CDKN2C: variants seen among roughly 807,000 people sequenced by gnomAD.
The protein encoded by CDKN2C is cyclin dependent kinase inhibitor 2C.
A neutral mutation model predicts 11.0 loss-of-function variants in CDKN2C; 5 were observed. The ratio of observed to expected loss-of-function variants is 0.45; its 90% CI spans 0.24 to 0.95. The LOEUF is 0.95. Among genes scored for constraint, CDKN2C ranks in the 40% least tolerant of loss-of-function variants. The probability of loss-of-function intolerance (pLI) is 0.21; values close to 1 mark genes in which losing one functional copy is unlikely to be tolerated. For missense variants in CDKN2C, 161 were observed against 211.9 expected, an observed-to-expected ratio of 0.76 and a Z score of 1.49; for synonymous variants, 79 against 88.3, an observed-to-expected ratio of 0.89 and a Z score of 0.59.
At chr1:50,967,698 T>C (rs1645354086), upstream of CDKN2C, among the ~76,000 whole-genome samples, 1 of 152,168 alleles carries the variant, frequency 6.6e-6, no homozygotes, top group South Asian at 2.1e-4. Flanking sequence ...TAATCTCACA[T>C]AGCTAAAAGA....
At chr1:50,962,694 T>C (rs1645331671) in intron 1 of CDKN2C, among the ~76,000 whole-genome samples, 2 of 152,238 alleles carry the variant, frequency 1.3e-5, no homozygotes, top group South Asian at 2.1e-4. Context: ...CAATGTGGTA[T>C]GTAGAACAAT....
At chr1:50,966,971 A>G (rs185700913), upstream of CDKN2C, among the ~76,000 whole-genome samples, 26 of 152,330 alleles carry the variant, frequency 1.7e-4, 1 homozygote, top group Admixed American at 1.4e-3. Context: ...TTAAATTATC[A>G]TAAGTTTTCC....
At position 50,973,880 on chromosome 1, in the gene CDKN2C, A is replaced by C. The variant is rs1557609736; in HGVS notation, c.130-13A>C. The C allele has an allele frequency of 1.2e-6, 2 of 1,613,854 alleles. No individual in the cohort carries two copies. Among genetic ancestry groups the C allele is most frequent in the Middle Eastern group, 1.6e-4 (1 of 6,062 alleles). ...GCACTTGAAGGATTCTACCATTTCT[A>C]CTTCTTTTCCAGGTTATGAAACTTG... On this transcript the variant is annotated splice_polypyrimidine_tract_variant and intron_variant, in intron 1 of 1. Coordinates refer to ENST00000371761, the MANE Select transcript of CDKN2C (RefSeq NM_078626.3).
chr1:50,969,319 G>C (rs1645366427), upstream of CDKN2C: 1 of 151,456 alleles, frequency 6.6e-6, no homozygotes, highest in Non-Finnish European at 1.5e-5. This position sits in a 1 kb window ranked among gnomAD's most constrained non-coding sequence, Gnocchi z 6.6. Context: ...GCCTGAACGA[G>C]CTCGGTCGTA....
chr1:50,961,320 G>A (rs570163953), intron 1 of CDKN2C, among the ~76,000 whole-genome samples: 1 of 152,334 alleles, frequency 6.6e-6, no homozygotes, highest in South Asian at 2.1e-4. Flanking sequence ...TTACAGGCGT[G>A]AGCCACTGCA....
Position 50,974,102 on chromosome 1 carries a change from A to T in CDKN2C, c.339A>T (p.Glu113Asp), listed in dbSNP as rs1645394146. The T allele has an allele frequency of 6.2e-7, 1 of 1,614,104 alleles. No individual in the cohort carries two copies. Among genetic ancestry groups the T allele is most frequent in the Non-Finnish European group, 8.5e-7 (1 of 1,180,042 alleles). Residue 113 changes from glutamate to aspartate, a missense_variant, in exon 2 of 2, where the codon GAA becomes GAT. Physicochemically the swap from Glu to Asp is conservative, Grantham distance 45 (BLOSUM62 2). Coordinates refer to ENST00000371761, the MANE Select transcript of CDKN2C (RefSeq NM_078626.3). Reference sequence around the variant, plus strand: ...TGCCCTTGCACTTGGCTGCCAAAGAAGGCCACCTCCGGGTGGTGGAGTTCC... The same window carrying T: ...TGCCCTTGCACTTGGCTGCCAAAGATGGCCACCTCCGGGTGGTGGAGTTCC... The part of the protein sequence containing the change: ...GNLPLHLAAK[E>D]GHLRVVEFLV...
chr1:50,962,147 G>A lies in CDKN2C; in HGVS notation c.-1976+1344G>A, dbSNP rs537574533. ...TATAATCCCAACACTTTGGGAGGCC[G>A]AGGCAGGCAGATCACTTGAGGTCAG... On this transcript the variant is annotated intron_variant, in intron 1 of 3. Coordinates refer to the CDKN2C transcript ENST00000262662. 1.4e-4 allele frequency among the ~76,000 whole-genome samples: 21 copies of A among 152,354 alleles called. No homozygotes were observed. In the South Asian group the frequency reaches 2.9e-3, roughly 21 times the overall value.
chr1:50,965,057 T>TATAGGTAGATAG, intron 1 of CDKN2C, among the ~76,000 whole-genome samples: 1 of 147,324 alleles, frequency 6.8e-6, no homozygotes, highest in Non-Finnish European at 1.5e-5. Context: ...GTCTCAAAAA[T>TATAGGTAGATAG]ATAGATAGAT....
rs1354158374 is a variant in CDKN2C, at chr1:50,961,663, G to A, written c.-1976+860G>A. 2.6e-5 allele frequency among the ~76,000 whole-genome samples: 4 copies of A among 152,126 alleles called. No individual in the cohort carries two copies. The East Asian group carries it at 7.7e-4, about 29-fold the overall frequency. ...AGTGAAATCATCATGTAGCATGAAG[G>A]CCTAGGCTTCCCTTAAGAACTTTTT... On this transcript the variant is annotated intron_variant, in intron 1 of 3. Coordinates refer to the CDKN2C transcript ENST00000262662.
At chr1:50,968,635 A>T (rs1557608288), upstream of CDKN2C, 1 of 152,162 alleles carries the variant, frequency 6.6e-6, no homozygotes, top group Admixed American at 6.6e-5. Flanking sequence ...CGCGAGCGCC[A>T]GCAGGGCGGA....
chr1:50,974,160 C>T lies in CDKN2C; in HGVS notation c.397C>T (p.Arg133Trp), dbSNP rs2147958589. 1 of 1,614,070 alleles carries T rather than the reference C, an allele frequency of 6.2e-7. No individual in the cohort carries two copies. Among genetic ancestry groups the T allele is most frequent in the East Asian group, 2.2e-5 (1 of 44,866 alleles). Residue 133 changes from arginine (R) to tryptophan (W), a missense_variant, in exon 2 of 2, where the codon CGG (arginine) becomes TGG (tryptophan). Coordinates refer to ENST00000371761, the MANE Select transcript of CDKN2C (RefSeq NM_078626.3). ...GCACACGGCCAGCAATGTGGGGCATCGGAACCATAAGGGGGACACCGCCTG... is the reference window on the plus strand; with the variant it reads ...GCACACGGCCAGCAATGTGGGGCATTGGAACCATAAGGGGGACACCGCCTG... Reference protein sequence around the residue: ...VKHTASNVGHRNHKGDTACDL... With the variant: ...VKHTASNVGHWNHKGDTACDL...
At chr1:50,963,512 C>G (rs1193704145) in intron 1 of CDKN2C, among the ~76,000 whole-genome samples, 1 of 152,204 alleles carries the variant, frequency 6.6e-6, no homozygotes, top group Non-Finnish European at 1.5e-5. Flanking sequence ...TACAGAGTGA[C>G]AGACCTAGGA....
In CDKN2C at chr1:50,970,433, C is replaced by T. The variant is rs774999212; in HGVS notation, c.65C>T (p.Thr22Ile). Residue 22 changes from threonine to isoleucine, a missense_variant, in exon 1 of 2, where the codon ACT becomes ATT. Thr to Ile is a moderately conservative substitution (Grantham distance 89). Transcript: ENST00000371761. ...AAARGDLEQL[T>I]SLLQNNVNVN... is the part of the protein sequence containing the mutation. ...GCCAGGGGGGACCTAGAGCAACTTA[C>T]TAGTTTGTTGCAAAATAATGTAAAC... The T allele has an allele frequency of 6.2e-7, 1 of 1,614,166 alleles. No individual in the cohort carries two copies. The highest frequency in any genetic ancestry group is 1.1e-5 in the South Asian group (1 of 91,074).
At chr1:50,973,534 C>T (rs1645390945) in intron 1 of CDKN2C, among the ~76,000 whole-genome samples, 1 of 152,192 alleles carries the variant, frequency 6.6e-6, no homozygotes, top group South Asian at 2.1e-4. Context: ...ATCCCAAATT[C>T]CATTTCTGTT....
upstream of CDKN2C, chr1:50,969,932 C>G (rs944877188): frequency 2.0e-5 from 5 of 244,922 alleles, no homozygotes; most frequent in African/African-American, 8.9e-5. The surrounding 1 kb of genome is among the most constrained non-coding windows in gnomAD (Gnocchi z 6.6). Context: ...CCCTGAATGT[C>G]TTTCCTTCCG....
intron 1 of CDKN2C, 63 bp from the exon 2 acceptor site, chr1:50,973,830 A>G: frequency 6.4e-7 from 1 of 1,570,632 alleles, no homozygotes; most frequent in South Asian, 1.1e-5. Context: ...ACAGGCAGAT[A>G]TTTTAAAATA....
At chr1:50,970,843 GATT>G (rs1359356625) in intron 1 of CDKN2C, among the ~76,000 whole-genome samples, 3 of 152,114 alleles carry the variant, frequency 2.0e-5, no homozygotes, top group Non-Finnish European at 2.9e-5. Context: ...ACATTATTAT[GATT>G]ATTATTTGAA....
chr1:50,974,547 GC>G lies in CDKN2C; in HGVS notation c.*279del, dbSNP rs1379008856. On this transcript the variant is annotated 3_prime_UTR_variant, in exon 2 of 2. Transcript: ENST00000371761. ...TGGCTTTTCCCTTGCTTCCCCTTTTGCCAATCTCAACACCCAAGTTGAAGAC... is the reference window on the plus strand; with the variant it reads ...TGGCTTTTCCCTTGCTTCCCCTTTTGCAATCTCAACACCCAAGTTGAAGAC... The G allele has an allele frequency of 1.2e-5, 4 of 340,208 alleles. No homozygotes were observed. The East Asian group carries it at 1.8e-4, about 15-fold the overall frequency. The allele number at this position is 340,208 out of a possible 1,614,324, so 21.1% of individuals were successfully genotyped here. A position where few individuals can be genotyped will look rare whatever the true frequency, so the allele number is the denominator to read the frequency against.
At position 50,970,297 on chromosome 1, in the gene CDKN2C, G is replaced by C. The variant is rs1645372809; in HGVS notation, c.-72G>C. 6.3e-7 allele frequency: 1 copy of C among 1,589,730 alleles called. No homozygotes were observed. Among genetic ancestry groups the C allele is most frequent in the Non-Finnish European group, 8.6e-7 (1 of 1,165,664 alleles). On this transcript the variant is annotated 5_prime_UTR_variant, in exon 1 of 2. Transcript: ENST00000371761. ...GTCTCCGATGCCATCATGCAGCCTG[G>C]TTAGGAGCAAAGGAAAGGGGAAAAA...
Sources: gnomAD v4.1 joint callset for allele counts (sites outside exome capture counted in the v4.1 genomes callset) on GRCh38, gnomAD v4.1.1 for gene constraint, Gnocchi (gnomAD v3.1) non-coding constraint, MANE v1.5 for transcripts, NCBI Gene and HGNC (gene_info 2026-07-23, HGNC 2026-07-21) for gene names.